The following PRKN variants were observed in gnomAD, a reference collection of about 807,000 sequenced individuals.
The protein encoded by PRKN is parkin RBR E3 ubiquitin protein ligase.
PRKN carries 56 observed loss-of-function variants against 59.5 expected under a neutral mutation model. The ratio of observed to expected loss-of-function variants is 0.94; its 90% CI spans 0.76 to 1.18. The LOEUF is 1.18. Among genes scored for constraint, PRKN ranks in the 50% most tolerant of loss-of-function variants. The probability of loss-of-function intolerance (pLI) is 0.00; values close to 1 mark genes in which losing one functional copy is unlikely to be tolerated. For missense variants in PRKN, 657 were observed against 596.4 expected (o/e 1.10, Z -1.06); for synonymous variants, 250 against 222.1 (o/e 1.13, Z -1.12).
chr6:162,246,800 AT>A (rs1382313988), intron 3 of PRKN, among the ~76,000 whole-genome samples: 2 of 152,128 alleles, frequency 1.3e-5, no homozygotes, highest in Non-Finnish European at 2.9e-5. Context: ...CAGTGACATA[AT>A]TTTAAAGTTT....
intron 2 of PRKN, among the ~76,000 whole-genome samples, chr6:162,415,369 G>T (rs1788576862): frequency 6.6e-6 from 1 of 152,194 alleles, no homozygotes; most frequent in African/African-American, 2.4e-5. Flanking sequence ...GGCAGATAAT[G>T]AATTCAATAA....
At position 161,533,337 on chromosome 6, in the gene PRKN, A is replaced by G. The variant is rs1370209888; in HGVS notation, c.1083+15517T>C. Among the ~76,000 whole-genome samples the G allele has an allele frequency of 6.6e-6, 1 of 152,152 alleles. No individual in the cohort carries two copies. Among genetic ancestry groups the G allele is most frequent in the Non-Finnish European group, 1.5e-5 (1 of 68,020 alleles). On this transcript the variant is annotated intron_variant, in intron 9 of 11. Transcript: ENST00000366898. The surrounding 1 kb of genome is among the most constrained non-coding windows in gnomAD (Gnocchi z 4.1). ...TCTTCTTAATGAAAAGCAGCCCCCA[A>G]ATCATTTTCTTTTCCAACAAAGAGC...
chr6:161,851,794 T>C (rs1303873598), intron 6 of PRKN, among the ~76,000 whole-genome samples: 3 of 151,138 alleles, frequency 2.0e-5, no homozygotes, highest in Non-Finnish European at 4.4e-5. Context: ...GTGTTTTTAA[T>C]AGTTACTGTG....
At position 161,670,475 on chromosome 6, in the gene PRKN, A is replaced by T. The variant is rs542056661; in HGVS notation, c.872-101059T>A. Among the ~76,000 whole-genome samples the T allele has an allele frequency of 7.8e-4, 118 of 152,224 alleles. 2 individuals are homozygous for T. The South Asian group carries it at 0.023, about 30-fold the overall frequency. On this transcript the variant is annotated intron_variant, in intron 7 of 11. Transcript: ENST00000366898. ...CATTCCGATCTCTGCCTCTGTATGCATGTGAGTCTCCTCTCTGTGTCTTTG... is the reference window on the plus strand; with the variant it reads ...CATTCCGATCTCTGCCTCTGTATGCTTGTGAGTCTCCTCTCTGTGTCTTTG...
At chr6:162,318,078 T>C (rs1297942505) in intron 2 of PRKN, among the ~76,000 whole-genome samples, 1 of 151,982 alleles carries the variant, frequency 6.6e-6, no homozygotes, top group Non-Finnish European at 1.5e-5. Flanking sequence ...TCCTGATTCC[T>C]ACCCCTCTCC....
intron 2 of PRKN, among the ~76,000 whole-genome samples, chr6:162,346,228 A>C (rs1784398565): frequency 6.6e-6 from 1 of 152,108 alleles, no homozygotes; most frequent in South Asian, 2.1e-4. Flanking sequence ...GGTCATAATG[A>C]ATATAATCGT....
intron 6 of PRKN, among the ~76,000 whole-genome samples, chr6:161,906,726 G>C (rs1315178730): frequency 6.8e-6 from 1 of 146,648 alleles, no homozygotes; most frequent in Non-Finnish European, 1.5e-5. Context: ...ACAAGATAAG[G>C]AGCAAGGAAG....
chr6:162,119,805 T>G (rs1780829013), intron 4 of PRKN, among the ~76,000 whole-genome samples: 1 of 152,166 alleles, frequency 6.6e-6, no homozygotes, highest in African/African-American at 2.4e-5. Flanking sequence ...TGTCTGAATC[T>G]ATTTAGATGA....
intron 10 of PRKN, among the ~76,000 whole-genome samples, chr6:161,374,172 T>C (rs370440261): frequency 2.0e-5 from 3 of 152,022 alleles, no homozygotes; most frequent in South Asian, 4.2e-4. Flanking sequence ...GCGGTGTGTA[T>C]GTGAGTGGCG....
rs1046474800 is a variant in PRKN at position 161,362,672 on chromosome 6, A to C, written c.1168-2467T>G. Among the ~76,000 whole-genome samples, 1 of 152,222 alleles carries C rather than the reference A, an allele frequency of 6.6e-6. No individual in the cohort carries two copies. The highest frequency in any genetic ancestry group is 1.5e-5 in the Non-Finnish European group (1 of 68,038). ...AATTCATCCTATCTGATTAGCTTTAAAAAACCTCAAGTCAAAAATTAATTT... is the reference window on the plus strand; with the variant it reads ...AATTCATCCTATCTGATTAGCTTTACAAAACCTCAAGTCAAAAATTAATTT... On this transcript the variant is annotated intron_variant, in intron 10 of 11. Coordinates refer to ENST00000366898, the MANE Select transcript of PRKN (RefSeq NM_004562.3). This position sits in a 1 kb window ranked among gnomAD's most constrained non-coding sequence, Gnocchi z 5.2.
intron 1 of PRKN, among the ~76,000 whole-genome samples, chr6:162,599,431 T>G (rs1781614280): frequency 6.6e-6 from 1 of 152,128 alleles, no homozygotes; most frequent in Non-Finnish European, 1.5e-5. Context: ...GAAAAATGTC[T>G]TTCCAGATAA....
intron 9 of PRKN, among the ~76,000 whole-genome samples, chr6:161,531,846 G>T (rs2115385854): frequency 1.3e-5 from 2 of 152,216 alleles, no homozygotes; most frequent in African/African-American, 2.4e-5. Flanking sequence ...GCTCAGGGAT[G>T]AGAAGGATTA....
intron 7 of PRKN, among the ~76,000 whole-genome samples, chr6:161,633,679 C>A (rs1018838034): frequency 2.0e-5 from 3 of 152,188 alleles, no homozygotes; most frequent in African/African-American, 7.2e-5. Flanking sequence ...CATGAATCTT[C>A]TAAGGAAAGA....
Position 162,070,847 on chromosome 6 carries a change from C to T in PRKN, c.535-16673G>A, listed in dbSNP as rs575967571. 5.3e-5 allele frequency among the ~76,000 whole-genome samples: 8 copies of T among 152,208 alleles called. 1 individual carries two copies. Among genetic ancestry groups the T allele is most frequent in the African/African-American group, 1.9e-4 (8 of 41,538 alleles). The stretch of plus-strand genomic sequence containing the variant: ...TGCTCGCTCGCCTACTGCTTATCTC[C>T]TGCTGAGTGGCCTGGTTCCTAACAG... On this transcript the variant is annotated intron_variant, in intron 4 of 11. Transcript: ENST00000366898.
intron 6 of PRKN, among the ~76,000 whole-genome samples, chr6:161,826,079 A>T (rs1242800130): frequency 1.3e-5 from 2 of 152,304 alleles, no homozygotes; most frequent in East Asian, 3.9e-4. Context: ...GCTAAAATGC[A>T]AACCATCTAA....
chr6:161,886,102 T>A (rs1294717925), intron 6 of PRKN, among the ~76,000 whole-genome samples: 1 of 152,206 alleles, frequency 6.6e-6, no homozygotes, highest in Non-Finnish European at 1.5e-5. Context: ...TAAGCACAAC[T>A]GAACAGCAAG....
rs139480544 is a variant in PRKN, at chr6:161,972,528, C to A, written c.734+774G>T. Among the ~76,000 whole-genome samples, 42 of 151,792 alleles carry A rather than the reference C, an allele frequency of 2.8e-4. No individual in the cohort carries two copies. The East Asian group carries it at 7.9e-3, about 28-fold the overall frequency. The stretch of plus-strand genomic sequence containing the variant: ...GAGTCGTTTTCCCTTTTTTTACTAA[C>A]AGGCCATCTCCACATTTGCTTGCTT... On this transcript the variant is annotated intron_variant, in intron 6 of 11. Coordinates refer to ENST00000366898, the MANE Select transcript of PRKN (RefSeq NM_004562.3).
intron 10 of PRKN, among the ~76,000 whole-genome samples, chr6:161,383,583 G>A (rs887020904): frequency 2.0e-5 from 3 of 152,180 alleles, no homozygotes; most frequent in Non-Finnish European, 4.4e-5. Context: ...TCCAGGCAAC[G>A]CTGGATGCTC....
At chr6:161,642,700 T>A (rs980495873) in intron 7 of PRKN, among the ~76,000 whole-genome samples, 2 of 151,712 alleles carry the variant, frequency 1.3e-5, no homozygotes, top group South Asian at 2.1e-4. Context: ...AAAAAGTCAG[T>A]GGAGGAATTG....
Sources: allele counts gnomAD v4.1 joint callset (sites outside exome capture counted in the v4.1 genomes callset), GRCh38; gene constraint gnomAD v4.1.1; non-coding constraint Gnocchi (gnomAD v3.1); transcripts MANE v1.5; gene names NCBI Gene and HGNC (gene_info 2026-07-23, HGNC 2026-07-21).